Variants in RBPJ observed in about 807,000 individuals in gnomAD.
RBPJ encodes recombining binding protein suppressor of hairless.
RBPJ carries 9 observed loss-of-function variants against 67.8 expected under a neutral mutation model. The observed-to-expected ratio is 0.13, with a 90% CI of 0.08 to 0.23. The LOEUF (loss-of-function observed/expected upper bound fraction) is 0.23. Among genes scored for constraint, RBPJ ranks in the 10% least tolerant of loss-of-function variants. RBPJ has a pLI of 1.00. For synonymous variants in RBPJ, 198 were observed against 203.3 expected (o/e 0.97, Z 0.22); for missense variants, 305 against 595.6 (o/e 0.51, Z 5.08).
At chr4:26,159,263 T>G (rs111550035), upstream of RBPJ, among the ~76,000 whole-genome samples, 7 of 152,176 alleles carry the variant, frequency 4.6e-5, no homozygotes, top group African/African-American at 1.7e-4. Flanking sequence ...AATGGAGGCC[T>G]GGAAAGGTGA....
intron 1 of RBPJ, among the ~76,000 whole-genome samples, chr4:26,253,457 G>T (rs1195162540): frequency 6.7e-6 from 1 of 148,264 alleles, no homozygotes; most frequent in African/African-American, 2.6e-5. Context: ...GACTACAGGC[G>T]CCCGCCACTA....
chr4:26,356,916 G>A (rs532593501), intron 1 of RBPJ, among the ~76,000 whole-genome samples: 35 of 152,262 alleles, frequency 2.3e-4, no homozygotes, highest in Non-Finnish European at 3.8e-4. Flanking sequence ...TCTGAGAATC[G>A]AATAGATATC....
rs1185002908 is a variant in RBPJ at position 26,373,481 on chromosome 4, A to C, written c.21-12872A>C. 2.6e-5 allele frequency among the ~76,000 whole-genome samples: 4 copies of C among 152,196 alleles called. No individual in the cohort carries two copies. In the South Asian group the frequency reaches 8.3e-4, roughly 31 times the overall value. On this transcript the variant is annotated intron_variant, in intron 1 of 10. Coordinates refer to ENST00000355476, the MANE Select transcript of RBPJ (RefSeq NM_015874.6). ...AAGATGCACTGCTGGATTCAAGTAC[A>C]TGAAAATACCAAACTGTGTGTCAAA...
intron 1 of RBPJ, among the ~76,000 whole-genome samples, chr4:26,373,811 C>T (rs1290214512): frequency 1.3e-5 from 2 of 152,022 alleles, no homozygotes; most frequent in Admixed American, 6.5e-5. Flanking sequence ...CATATATGTG[C>T]ACACACAAGT....
rs1205725740 is a variant in RBPJ, at chr4:26,290,012, T to C, written c.-166-72434T>C. On this transcript the variant is annotated intron_variant, in intron 1 of 4. Coordinates refer to the RBPJ transcript ENST00000512351. ...GCTAAAAGAGAGCAAGGAATGCCAATATAAAGTTAAAGAAAAATATAAAAT... is the reference window on the plus strand; with the variant it reads ...GCTAAAAGAGAGCAAGGAATGCCAACATAAAGTTAAAGAAAAATATAAAAT... Among the ~76,000 whole-genome samples the C allele has an allele frequency of 2.7e-5, 4 of 150,446 alleles. 1 individual carries two copies. Among genetic ancestry groups the C allele is most frequent in the African/African-American group, 9.8e-5 (4 of 40,826 alleles).
chr4:26,431,264 T>TGTTG lies in RBPJ; in HGVS notation c.*273_*276dup, dbSNP rs540043701. The TGTTG allele has an allele frequency of 1.4e-5, 5 of 358,104 alleles. No homozygotes were observed. Among genetic ancestry groups the TGTTG allele is most frequent in the Non-Finnish European group, 2.5e-5 (5 of 199,478 alleles). The allele number at this position is 358,104 out of a possible 1,614,324, so 22.2% of individuals were successfully genotyped here. A position where few individuals can be genotyped will look rare whatever the true frequency, so the allele number is the denominator to read the frequency against. The stretch of plus-strand genomic sequence containing the variant: ...TGGAAATCAAGTTTTTCAGCTGTTT[T>TGTTG]GTTGGTTGGTTGGTTGGTTTTTGTT... On this transcript the variant is annotated 3_prime_UTR_variant, in exon 11 of 11. Transcript: ENST00000355476.
At chr4:26,256,201 C>A (rs1720338428) in intron 1 of RBPJ, among the ~76,000 whole-genome samples, 1 of 151,994 alleles carries the variant, frequency 6.6e-6, no homozygotes, top group African/African-American at 2.4e-5. Context: ...GCCTAGCCAA[C>A]CCCATCGAAA....
At chr4:26,203,001 G>A (rs56181329) in intron 1 of RBPJ, among the ~76,000 whole-genome samples, 17,593 of 102,868 alleles carry the variant, frequency 0.17, 1,321 homozygotes, top group South Asian at 0.25. Context: ...AAGGAAGGAA[G>A]GAAGGAAAAA....
At chr4:26,332,731 G>A (rs1378872259) in intron 1 of RBPJ, among the ~76,000 whole-genome samples, 2 of 152,156 alleles carry the variant, frequency 1.3e-5, no homozygotes, top group African/African-American at 4.8e-5. Flanking sequence ...TCCCACTGAA[G>A]CCTGAAACTC....
At chr4:26,129,770 C>A in the RBPJ span, among the ~76,000 whole-genome samples, 3 of 152,188 alleles carry the variant, frequency 2.0e-5, no homozygotes, top group Non-Finnish European at 4.4e-5. Flanking sequence ...CTCCAGACAG[C>A]AGACTCAAGA....
At chr4:26,283,867 A>T (rs1721368712) in intron 1 of RBPJ, among the ~76,000 whole-genome samples, 2 of 152,070 alleles carry the variant, frequency 1.3e-5, no homozygotes, top group Admixed American at 6.6e-5. Context: ...GATGGTCTCG[A>T]TCTTTTGACC....
intron 1 of RBPJ, among the ~76,000 whole-genome samples, chr4:26,244,592 A>G (rs897274275): frequency 7.9e-5 from 12 of 152,210 alleles, no homozygotes; most frequent in African/African-American, 2.4e-4. Context: ...TAAAATTATA[A>G]TTTTGTAAAA....
intron 1 of RBPJ, among the ~76,000 whole-genome samples, chr4:26,352,006 A>C (rs1726861330): frequency 6.6e-6 from 1 of 152,136 alleles, no homozygotes. Context: ...CTTTGGGATC[A>C]CAGTGAACTG....
At chr4:26,317,434 T>C (rs970088734), upstream of RBPJ, among the ~76,000 whole-genome samples, 10 of 150,644 alleles carry the variant, frequency 6.6e-5, no homozygotes, top group African/African-American at 2.4e-4. Flanking sequence ...GAGTGAGAGG[T>C]AGAGGAGGAG....
chr4:26,166,726 G>A (rs1716319780), intron 1 of RBPJ, among the ~76,000 whole-genome samples: 1 of 152,098 alleles, frequency 6.6e-6, no homozygotes, highest in Non-Finnish European at 1.5e-5. Context: ...AGTTTAATTA[G>A]ATCCCATTTG....
chr4:26,338,025 G>A (rs551103814), intron 1 of RBPJ, among the ~76,000 whole-genome samples: 143 of 143,344 alleles, frequency 1.0e-3, no homozygotes, highest in Non-Finnish European at 1.3e-3. Flanking sequence ...TTTATTTTTT[G>A]TCATACAGGA....
chr4:26,164,767 T>C (rs1716202690), intron 1 of RBPJ, among the ~76,000 whole-genome samples: 1 of 152,172 alleles, frequency 6.6e-6, no homozygotes, highest in African/African-American at 2.4e-5. Flanking sequence ...AAAAATGTGT[T>C]TTTCTACTGG....
At chr4:26,404,949 C>A (rs1733242041) in intron 2 of RBPJ, among the ~76,000 whole-genome samples, 1 of 152,172 alleles carries the variant, frequency 6.6e-6, no homozygotes, top group Non-Finnish European at 1.5e-5. Flanking sequence ...GCTTTTTGTA[C>A]ATATCTCTAC....
intron 5 of RBPJ, 153 bp downstream of exon 5, chr4:26,420,878 A>C: frequency 7.9e-6 from 5 of 633,190 alleles, no homozygotes; most frequent in Non-Finnish European, 5.3e-6. Flanking sequence ...TTAATCGTAA[A>C]TCGACAGTAT....
Sources: allele counts gnomAD v4.1 joint callset (sites outside exome capture counted in the v4.1 genomes callset), GRCh38; gene constraint gnomAD v4.1.1; transcripts MANE v1.5; gene names NCBI Gene and HGNC (gene_info 2026-07-23, HGNC 2026-07-21).